Variants in BLOC1S1 observed in about 807,000 individuals in gnomAD.
BLOC1S1 encodes the protein biogenesis of lysosome-related organelles complex 1 subunit 1.
BLOC1S1 carries 11 observed loss-of-function variants against 19.0 expected under a neutral mutation model. That is an observed-to-expected ratio of 0.58 (90% CI 0.37 to 0.96). The LOEUF is 0.96. Among genes scored for constraint, BLOC1S1 ranks in the 40% least tolerant of loss-of-function variants. The probability of loss-of-function intolerance (pLI) is 0.01; values close to 1 mark genes in which losing one functional copy is unlikely to be tolerated. For synonymous variants in BLOC1S1, 94 were observed against 76.4 expected (o/e 1.23, Z -1.20); for missense variants, 220 against 195.9 (o/e 1.12, Z -0.73).
intron 1 of BLOC1S1, 88 bp from the exon 2 acceptor site, chr12:55,716,845 A>G: frequency 7.3e-7 from 1 of 1,374,386 alleles, no homozygotes; most frequent in African/African-American, 1.5e-5. Context: ...GGCAACTAGC[A>G]GAATAGTAAT....
intron 3 of BLOC1S1, 91 bp from the exon 4 acceptor site, chr12:55,719,408 C>T (rs1876804739): frequency 1.4e-6 from 2 of 1,459,128 alleles, no homozygotes; most frequent in African/African-American, 2.8e-5. Context: ...AAAGCCTTTT[C>T]CAGGAGATGA....
intron 1 of BLOC1S1, 38 bp downstream of exon 1, chr12:55,716,234 C>A (rs377467243): frequency 4.5e-6 from 7 of 1,572,962 alleles, no homozygotes; most frequent in Admixed American, 1.9e-5. Flanking sequence ...TCTCTTCGGC[C>A]GCGGCCTAGC....
At chr12:55,717,582 T>C (rs181851235) in intron 2 of BLOC1S1, among the ~76,000 whole-genome samples, 10 of 152,184 alleles carry the variant, frequency 6.6e-5, no homozygotes, top group Non-Finnish European at 1.3e-4. Flanking sequence ...GAACATTGTC[T>C]CTTGACCCTA....
rs1339980206 is a variant in BLOC1S1, at chr12:55,719,571, T to G, written c.424T>G (p.Tyr142Asp). The change falls in exon 4 of 4, where the codon TAT becomes GAT. Residue 142 changes from tyrosine (Y) to aspartate (D), a missense_variant. Transcript: ENST00000548925. ...DMRTIATALE[Y>D]VYKGQLQSAP... ...GCGCACCATTGCCACTGCACTGGAA[T>G]ATGTCTACAAAGGGCAGCTGCAGTC... is the stretch of plus-strand genomic sequence containing the variant. 1.2e-6 allele frequency: 2 copies of G among 1,614,040 alleles called. No individual in the cohort carries two copies. Among genetic ancestry groups the G allele is most frequent in the Non-Finnish European group, 1.7e-6 (2 of 1,180,028 alleles).
intron 2 of BLOC1S1, among the ~76,000 whole-genome samples, chr12:55,717,665 C>T (rs1248522637): frequency 6.6e-6 from 1 of 152,164 alleles, no homozygotes; most frequent in African/African-American, 2.4e-5. Flanking sequence ...TGGTACCTTC[C>T]ACCCCAGGTC....
At chr12:55,717,453 C>T (rs554738131) in intron 2 of BLOC1S1, among the ~76,000 whole-genome samples, 3 of 152,212 alleles carry the variant, frequency 2.0e-5, no homozygotes, top group East Asian at 1.9e-4. Context: ...GAACCTGTTC[C>T]GGGAGCTATG....
chr12:55,716,655 G>A, intron 1 of BLOC1S1: 1 of 1,280,154 alleles, frequency 7.8e-7, no homozygotes, highest in East Asian at 3.7e-5. Context: ...GCCGAGTAGT[G>A]GAGAAAGAGT....
intron 3 of BLOC1S1, 109 bp from the exon 4 acceptor site, chr12:55,719,390 G>T: frequency 2.1e-6 from 3 of 1,456,230 alleles, no homozygotes; most frequent in Non-Finnish European, 2.9e-6. Flanking sequence ...CAGTTGGTGG[G>T]TCCAAGTAAA....
In BLOC1S1 at chr12:55,719,612, CCT is replaced by C. The variant is rs1175535661; in HGVS notation, c.*4_*5del. The C allele has an allele frequency of 3.1e-6, 5 of 1,613,074 alleles. No homozygotes were observed. Among genetic ancestry groups the C allele is most frequent in the African/African-American group, 2.7e-5 (2 of 74,860 alleles). On this transcript the variant is annotated 3_prime_UTR_variant, in exon 4 of 4. Transcript: ENST00000548925. ...AGCTGCAGTCTGCCCCTTCCTAGCCCCTGTTCCCTCCCCCAACCCTATCCCTC... is the reference window on the plus strand; with the variant it reads ...AGCTGCAGTCTGCCCCTTCCTAGCCCGTTCCCTCCCCCAACCCTATCCCTC...
rs1876824198 is a variant in BLOC1S1 at position 55,719,678 on chromosome 12, C to A, written c.*69C>A. On this transcript the variant is annotated 3_prime_UTR_variant, in exon 4 of 4. Coordinates refer to ENST00000548925, the MANE Select transcript of BLOC1S1 (RefSeq NM_001487.4). The stretch of plus-strand genomic sequence containing the variant: ...AGGGGGAAGGAGGGAGGCTGACAAG[C>A]CTTGAATAAAACACAAGCCTCCGTT... 3 of 1,344,784 alleles carry A rather than the reference C, an allele frequency of 2.2e-6. No homozygotes were observed. The highest frequency in any genetic ancestry group is 1.2e-5 in the South Asian group (1 of 84,028). 83.3% of individuals were successfully genotyped at this position (1,344,784 alleles called of 1,614,324 possible). A position where few individuals can be genotyped will look rare whatever the true frequency, so the allele number is the denominator to read the frequency against.
chr12:55,716,398 C>T (rs896367340), intron 1 of BLOC1S1: 6 of 1,395,932 alleles, frequency 4.3e-6, no homozygotes, highest in Non-Finnish European at 5.6e-6. Context: ...GGCAATACTC[C>T]GGTCCCCTCG....
Position 55,717,016 on chromosome 12 carries a change from C to T in BLOC1S1, c.218+11C>T. 9.6e-6 allele frequency: 15 copies of T among 1,567,224 alleles called. No individual in the cohort carries two copies. Among genetic ancestry groups the T allele is most frequent in the Non-Finnish European group, 1.2e-5 (14 of 1,160,008 alleles). ...TCACCTCAATGTGGGGTATGGACCT[C>T]TTATCAACATCAGTTTCCTCCTTCC... On this transcript the variant is annotated intron_variant, in intron 2 of 3. Coordinates refer to ENST00000548925, the MANE Select transcript of BLOC1S1 (RefSeq NM_001487.4).
In BLOC1S1 at chr12:55,716,199, G is replaced by A. The variant is rs964937739; in HGVS notation, c.145+3G>A. 6.2e-7 allele frequency: 1 copy of A among 1,606,816 alleles called. No homozygotes were observed. Among genetic ancestry groups the A allele is most frequent in the East Asian group, 2.3e-5 (1 of 44,238 alleles). ...GAATGAACGCAAGGAGCTGCAGGGT[G>A]AGCCAAATATCCTGTCGGCCGTTTT... On this transcript the variant is annotated splice_donor_region_variant and intron_variant, in intron 1 of 3. Coordinates refer to ENST00000548925, the MANE Select transcript of BLOC1S1 (RefSeq NM_001487.4).
chr12:55,716,082 A>T lies in BLOC1S1; in HGVS notation c.31A>T (p.Ser11Cys), dbSNP rs777415321. The T allele has an allele frequency of 3.2e-6, 5 of 1,578,916 alleles. No homozygotes were observed. Among genetic ancestry groups the T allele is most frequent in the Non-Finnish European group, 3.4e-6 (4 of 1,163,052 alleles). Residue 11 changes from serine (S) to cysteine (C), a missense_variant, in exon 1 of 4, where the codon AGC becomes TGC. By Grantham distance (112) the Ser-to-Cys change is moderately radical (BLOSUM62 -1). Transcript: ENST00000548925. Reference protein sequence around the residue: MAPGSRGERSSFRSRRGPGVP... With the variant: MAPGSRGERSCFRSRRGPGVP... ...CCCGGGGAGCCGAGGTGAGCGTTCC[A>T]GCTTCCGGAGCCGGAGGGGGCCCGG...
At chr12:55,716,585 G>A (rs1282593569) in intron 1 of BLOC1S1, 38 of 1,212,454 alleles carry the variant, frequency 3.1e-5, no homozygotes, top group Non-Finnish European at 3.7e-5. Context: ...CCACCGGAAC[G>A]GAGGTGGGGC....
intron 2 of BLOC1S1, 47 bp downstream of exon 2, chr12:55,717,052 C>T: frequency 6.7e-7 from 1 of 1,497,496 alleles, no homozygotes; most frequent in Non-Finnish European, 9.0e-7. Context: ...CCACCCCGCC[C>T]AAGTTTAGGC....
chr12:55,719,408 C>G (rs1876804739), intron 3 of BLOC1S1, 91 bp from the exon 4 acceptor site: 2 of 1,459,128 alleles, frequency 1.4e-6, no homozygotes, highest in Admixed American at 1.7e-5. Flanking sequence ...AAAGCCTTTT[C>G]CAGGAGATGA....
At position 55,716,088 on chromosome 12, in the gene BLOC1S1, C is replaced by A. The variant is rs533860678; in HGVS notation, c.37C>A (p.Arg13=). 1 of 1,583,888 alleles carries A rather than the reference C, an allele frequency of 6.3e-7. No individual in the cohort carries two copies. Among genetic ancestry groups the A allele is most frequent in the African/African-American group, 1.3e-5 (1 of 74,232 alleles). Residue 13 remains arginine, a synonymous_variant, in exon 1 of 4, where the codon CGG becomes AGG. Transcript: ENST00000548925. ...PGSRGERSSF[R]SRRGPGVPSP... is the part of the protein sequence containing the mutation. ...GAGCCGAGGTGAGCGTTCCAGCTTCCGGAGCCGGAGGGGGCCCGGCGTACC... is the reference window on the plus strand; with the variant it reads ...GAGCCGAGGTGAGCGTTCCAGCTTCAGGAGCCGGAGGGGGCCCGGCGTACC...
intron 2 of BLOC1S1, 34 bp downstream of exon 2, chr12:55,717,039 T>C (rs753532525): frequency 1.9e-6 from 3 of 1,540,002 alleles, no homozygotes; most frequent in Non-Finnish European, 2.6e-6. Flanking sequence ...GTTTCCTCCT[T>C]CCCCACCCCG....
Sources: allele counts gnomAD v4.1 joint callset (sites outside exome capture counted in the v4.1 genomes callset), GRCh38; gene constraint gnomAD v4.1.1; transcripts MANE v1.5; gene names NCBI Gene and HGNC (gene_info 2026-07-23, HGNC 2026-07-21).